NSUN3: variants seen among roughly 807,000 people sequenced by gnomAD.
The protein encoded by NSUN3 is NOP2/Sun RNA methyltransferase 3.
In NSUN3, 24 loss-of-function variants were observed where a neutral mutation model predicts 36.8. The ratio of observed to expected loss-of-function variants is 0.65; its 90% CI spans 0.47 to 0.92. The LOEUF is 0.92. Ranked by LOEUF, NSUN3 falls within the 40% of genes least tolerant of loss-of-function variation. The pLI is 0.00. For missense variants in NSUN3, 381 were observed against 392.8 expected (o/e 0.97, Z 0.25); for synonymous variants, 146 against 145.2 (o/e 1.01, Z -0.04).
intron 2 of NSUN3, among the ~76,000 whole-genome samples, chr3:94,065,413 A>G (rs1053829672): frequency 1.3e-5 from 2 of 152,190 alleles, no homozygotes; most frequent in African/African-American, 4.8e-5. Flanking sequence ...AAGAAGGTGC[A>G]CTGTTCATGA....
At chr3:94,063,807 TG>T (rs1464953364) in intron 1 of NSUN3, 1 of 152,194 alleles carries the variant, frequency 6.6e-6, no homozygotes, top group South Asian at 2.1e-4. Context: ...TTTTACTTTT[TG>T]TAGAGACACG....
intron 5 of NSUN3, among the ~76,000 whole-genome samples, chr3:94,105,694 C>T (rs532007082): frequency 1.8e-3 from 267 of 151,970 alleles, no homozygotes; most frequent in Non-Finnish European, 3.0e-3. Context: ...ATCTTTTTTC[C>T]GGTTAAGCAT....
At chr3:94,111,201 G>A (rs148968545) in intron 5 of NSUN3, among the ~76,000 whole-genome samples, 56 of 152,168 alleles carry the variant, frequency 3.7e-4, no homozygotes, top group Non-Finnish European at 7.2e-4. Context: ...GTAAAAATAT[G>A]CTATAAAAGA....
chr3:94,073,748 T>C (rs561914598), intron 2 of NSUN3, among the ~76,000 whole-genome samples: 2 of 152,326 alleles, frequency 1.3e-5, no homozygotes, highest in African/African-American at 4.8e-5. Context: ...ATTCTGTAGG[T>C]TGCCTGTTCA....
intron 3 of NSUN3, 45 bp from the exon 4 acceptor site, chr3:94,094,095 A>G: frequency 7.2e-7 from 1 of 1,393,854 alleles, no homozygotes; most frequent in East Asian, 2.4e-5. Context: ...GAAATTTAAC[A>G]GTTCCATTGC....
chr3:94,130,365 A>T lies in NSUN3; in HGVS notation c.*3875A>T, dbSNP rs574829566. 5.3e-5 allele frequency among the ~76,000 whole-genome samples: 8 copies of T among 152,326 alleles called. No homozygotes were observed. The highest frequency in any genetic ancestry group is 4.1e-4 in the South Asian group (2 of 4,828). On this transcript the variant is annotated 3_prime_UTR_variant, in exon 6 of 6. Coordinates refer to ENST00000314622, the MANE Select transcript of NSUN3 (RefSeq NM_022072.5). The stretch of plus-strand genomic sequence containing the variant: ...GTTAATACTGTGAAGAGACAAAATA[A>T]TGAGAATACTTTTACCAAAGATAAT...
At chr3:94,106,305 G>A (rs1466494178) in intron 5 of NSUN3, among the ~76,000 whole-genome samples, 1 of 152,108 alleles carries the variant, frequency 6.6e-6, no homozygotes, top group Admixed American at 6.5e-5. Flanking sequence ...ATAATTATCA[G>A]CATTTGTTTT....
At chr3:94,123,409 T>G (rs765245265) in intron 5 of NSUN3, among the ~76,000 whole-genome samples, 1 of 152,220 alleles carries the variant, frequency 6.6e-6, no homozygotes, top group Non-Finnish European at 1.5e-5. Context: ...CAAATAGAAT[T>G]CACTTTAAAT....
intron 5 of NSUN3, among the ~76,000 whole-genome samples, chr3:94,114,074 T>A (rs1037216869): frequency 9.2e-5 from 14 of 152,208 alleles, no homozygotes; most frequent in Non-Finnish European, 2.9e-5. Flanking sequence ...GCTTAAGACC[T>A]ATTAATTCTA....
chr3:94,094,814 A>C lies in NSUN3; in HGVS notation c.622-219A>C, dbSNP rs533157092. Among the ~76,000 whole-genome samples, 114 of 152,330 alleles carry C rather than the reference A, an allele frequency of 7.5e-4. 1 individual carries two copies. The highest frequency in any genetic ancestry group is 2.7e-3 in the African/African-American group (112 of 41,570). On this transcript the variant is annotated intron_variant, in intron 4 of 5. Coordinates refer to ENST00000314622, the MANE Select transcript of NSUN3 (RefSeq NM_022072.5). ...TTTAATTCTCCCATCCTAAGCCCCC[A>C]AAAACAAACACTGAAAGTACATGGT...
Position 94,126,360 on chromosome 3 carries a change from G to T in NSUN3, c.893G>T (p.Cys298Phe). Residue 298 changes from cysteine to phenylalanine, a missense_variant, in exon 6 of 6, where the codon TGC (cysteine) becomes TTC (phenylalanine). By Grantham distance (205) the Cys-to-Phe change is radical. Transcript: ENST00000314622. Reference sequence around the variant, plus strand: ...GACATTAAAGGAATAGCAAGGACTTGCTCCCACGACTTCACATTTGCTCCC... The same window carrying T: ...GACATTAAAGGAATAGCAAGGACTTTCTCCCACGACTTCACATTTGCTCCC... ...PMDIKGIARTCSHDFTFAPTG... is the reference protein window; with the variant it reads ...PMDIKGIARTFSHDFTFAPTG... 1 of 1,614,138 alleles carries T rather than the reference G, an allele frequency of 6.2e-7. No individual in the cohort carries two copies. The highest frequency in any genetic ancestry group is 1.3e-5 in the African/African-American group (1 of 75,036).
chr3:94,091,430 G>A (rs752132365), intron 3 of NSUN3, among the ~76,000 whole-genome samples: 10 of 152,116 alleles, frequency 6.6e-5, no homozygotes, highest in Non-Finnish European at 1.3e-4. Flanking sequence ...ATGGAAGATA[G>A]GAGTTAGAAA....
At chr3:94,067,961 A>G (rs1004520858) in intron 2 of NSUN3, among the ~76,000 whole-genome samples, 25 of 152,064 alleles carry the variant, frequency 1.6e-4, no homozygotes, top group Admixed American at 1.1e-3. Flanking sequence ...TGGACTAAAA[A>G]TCTTATCTTT....
intron 2 of NSUN3, 72 bp downstream of exon 2, chr3:94,064,618 G>T (rs2077195901): frequency 1.1e-6 from 1 of 938,620 alleles, no homozygotes; most frequent in Non-Finnish European, 1.7e-6. Flanking sequence ...TTGTGGGAGG[G>T]ATGCTGTGAG....
rs1304661856 is a variant in NSUN3, at chr3:94,076,026, G to C, written c.123-8081G>C. The C allele has an allele frequency of 2.5e-6, 4 of 1,608,748 alleles. No homozygotes were observed. The Admixed American group carries it at 6.7e-5, about 27-fold the overall frequency. On this transcript the variant is annotated intron_variant, in intron 2 of 5. Coordinates refer to ENST00000314622, the MANE Select transcript of NSUN3 (RefSeq NM_022072.5). ...TCTGATACAGAACAAATCACCCAAGGTTCATTGGGATTCCAGGAGAAATCA... is the reference window on the plus strand; with the variant it reads ...TCTGATACAGAACAAATCACCCAAGCTTCATTGGGATTCCAGGAGAAATCA...
At chr3:94,120,721 A>G (rs2077457820) in intron 5 of NSUN3, among the ~76,000 whole-genome samples, 1 of 152,134 alleles carries the variant, frequency 6.6e-6, no homozygotes, top group Admixed American at 6.5e-5. Flanking sequence ...ATTGTGAATA[A>G]TGCTACTATG....
intron 2 of NSUN3, chr3:94,081,714 A>G (rs1437185537): frequency 6.6e-6 from 1 of 152,216 alleles, no homozygotes; most frequent in Non-Finnish European, 1.5e-5. Flanking sequence ...AAAAGGAAAC[A>G]TGCAGGATTT....
chr3:94,085,202 C>G (rs1251183742), intron 3 of NSUN3: 1 of 151,976 alleles, frequency 6.6e-6, no homozygotes, highest in Non-Finnish European at 1.5e-5. Context: ...TTATTAGAAC[C>G]AAAGTGATAC....
chr3:94,091,527 C>T (rs989362871), intron 3 of NSUN3, among the ~76,000 whole-genome samples: 1 of 152,060 alleles, frequency 6.6e-6, no homozygotes, highest in Non-Finnish European at 1.5e-5. Context: ...TTTGTGGTGT[C>T]CAAAAATGTA....
Sources: allele counts gnomAD v4.1 joint callset (sites outside exome capture counted in the v4.1 genomes callset), GRCh38; gene constraint gnomAD v4.1.1; transcripts MANE v1.5; gene names NCBI Gene and HGNC (gene_info 2026-07-23, HGNC 2026-07-21).